ADAMTS14: variants seen among roughly 807,000 people sequenced by gnomAD.
The protein encoded by ADAMTS14 is ADAM metallopeptidase with thrombospondin type 1 motif 14.
A neutral mutation model predicts 128.6 loss-of-function variants in ADAMTS14; 100 were observed. That is an observed-to-expected ratio of 0.78 (90% CI 0.66 to 0.92). ADAMTS14 has a LOEUF of 0.92. ADAMTS14 is among the 40% of genes least tolerant of loss of function. ADAMTS14 has a pLI of 0.00. For missense variants in ADAMTS14, 1,562 were observed against 1,658.6 expected (o/e 0.94, Z 1.01); for synonymous variants, 665 against 653.8 (o/e 1.02, Z -0.26).
intron 2 of ADAMTS14, among the ~76,000 whole-genome samples, chr10:70,688,717 CGT>C (rs1418515831): frequency 3.3e-5 from 3 of 91,332 alleles, no homozygotes; most frequent in Admixed American, 3.1e-4. Flanking sequence ...ACCAGTCAGG[CGT>C]GGCGGCGCGT....
At chr10:70,714,296 C>CT (rs1367042064) in intron 4 of ADAMTS14, among the ~76,000 whole-genome samples, 1 of 152,222 alleles carries the variant, frequency 6.6e-6, no homozygotes, top group African/African-American at 2.4e-5. Flanking sequence ...TTATTTAAGT[C>CT]TCCCCATAAC....
chr10:70,680,931 G>A (rs939765105), intron 2 of ADAMTS14, among the ~76,000 whole-genome samples: 3 of 152,116 alleles, frequency 2.0e-5, no homozygotes, highest in East Asian at 1.9e-4. Context: ...TACAGGCACC[G>A]CACCCAGCCA....
At chr10:70,731,090 ACGTACAGACATC>A (rs1841623147) in intron 6 of ADAMTS14, among the ~76,000 whole-genome samples, 2 of 149,768 alleles carry the variant, frequency 1.3e-5, no homozygotes, top group African/African-American at 2.4e-5. Context: ...ACACACACAC[ACGTACAGACATC>A]CACACACATG....
intron 3 of ADAMTS14, among the ~76,000 whole-genome samples, 163 bp from the exon 4 acceptor site, chr10:70,708,425 T>C (rs1840730444): frequency 6.6e-6 from 1 of 152,222 alleles, no homozygotes; most frequent in Non-Finnish European, 1.5e-5. Flanking sequence ...AAATGGCTCT[T>C]GCCCATGAGT....
In ADAMTS14 at chr10:70,690,335, T is replaced by G. The variant is rs200718637; in HGVS notation, c.523-11977T>G. Among the ~76,000 whole-genome samples, 7 of 144,570 alleles carry G rather than the reference T, an allele frequency of 4.8e-5. No homozygotes were observed. The East Asian group carries it at 1.4e-3, about 28-fold the overall frequency. 94.8% of individuals were successfully genotyped at this position (144,570 alleles called of 152,430 possible). On this transcript the variant is annotated intron_variant, in intron 2 of 21. Transcript: ENST00000373207. Reference sequence around the variant, plus strand: ...GGGTTAAGGACAGGACCATGCCACCTGTCTGGGGTCTTCTGGCCAATTGTG... The same window carrying G: ...GGGTTAAGGACAGGACCATGCCACCGGTCTGGGGTCTTCTGGCCAATTGTG...
At chr10:70,758,999 C>A (rs1269624147) in intron 21 of ADAMTS14, among the ~76,000 whole-genome samples, 2 of 152,148 alleles carry the variant, frequency 1.3e-5, no homozygotes, top group Non-Finnish European at 2.9e-5. Context: ...GCAGAAAGAT[C>A]AAAGACCCTA....
chr10:70,673,264 GGT>G (rs144103256), intron 1 of ADAMTS14, among the ~76,000 whole-genome samples: 2 of 122,976 alleles, frequency 1.6e-5, no homozygotes, highest in Admixed American at 7.6e-5. Flanking sequence ...GGGTGCAAGG[GGT>G]GTGTGTGTGT....
chr10:70,713,532 T>A (rs1479422757), intron 4 of ADAMTS14, among the ~76,000 whole-genome samples: 2 of 152,228 alleles, frequency 1.3e-5, no homozygotes, highest in Admixed American at 1.3e-4. Flanking sequence ...GGCCTGTGCT[T>A]GTCAGTGGAA....
intron 4 of ADAMTS14, among the ~76,000 whole-genome samples, chr10:70,722,369 T>C (rs532344623): frequency 1.3e-5 from 2 of 152,246 alleles, no homozygotes; most frequent in South Asian, 2.1e-4. Flanking sequence ...CTTCAAGCAA[T>C]GTTGCCCACA....
At chr10:70,747,083 T>G (rs907583549) in intron 15 of ADAMTS14, among the ~76,000 whole-genome samples, 7 of 152,220 alleles carry the variant, frequency 4.6e-5, no homozygotes, top group African/African-American at 1.7e-4. Context: ...TTTTAGATTA[T>G]CATCAAAATA....
At chr10:70,677,139 C>A (rs908765898) in intron 2 of ADAMTS14, among the ~76,000 whole-genome samples, 1 of 152,202 alleles carries the variant, frequency 6.6e-6, no homozygotes, top group African/African-American at 2.4e-5. Flanking sequence ...CCACAGGGAC[C>A]AGGGAGGGCC....
intron 6 of ADAMTS14, among the ~76,000 whole-genome samples, chr10:70,731,721 T>C (rs1041137099): frequency 2.6e-5 from 4 of 152,216 alleles, no homozygotes; most frequent in African/African-American, 9.7e-5. Context: ...GCTCCCCCGC[T>C]GCACCCTGGC....
intron 2 of ADAMTS14, among the ~76,000 whole-genome samples, chr10:70,693,023 A>G (rs921447131): frequency 1.3e-5 from 2 of 152,222 alleles, no homozygotes; most frequent in Non-Finnish European, 2.9e-5. Flanking sequence ...TGAGAGCCTC[A>G]GGAAGTTTGC....
rs115831542 is a variant in ADAMTS14, at chr10:70,690,325, C to T, written c.523-11987C>T. ...TCCCTGGGCAGGGTTAAGGACAGGA[C>T]CATGCCACCTGTCTGGGGTCTTCTG... On this transcript the variant is annotated intron_variant, in intron 2 of 21. Transcript: ENST00000373207. Among the ~76,000 whole-genome samples, 182 of 144,492 alleles carry T rather than the reference C, an allele frequency of 1.3e-3. 11 individuals carry two copies. Among genetic ancestry groups the T allele is most frequent in the African/African-American group, 4.2e-3 (171 of 40,926 alleles). The allele number at this position is 144,492 out of a possible 152,430, so 94.8% of individuals were successfully genotyped here.
chr10:70,753,129 G>T (rs1708085290), intron 18 of ADAMTS14, among the ~76,000 whole-genome samples: 1 of 152,200 alleles, frequency 6.6e-6, no homozygotes, highest in African/African-American at 2.4e-5. Context: ...GCCTGGAAGT[G>T]ACTAAAAGAT....
chr10:70,753,774 C>T (rs1176870575), intron 18 of ADAMTS14, 26 bp from the exon 19 acceptor site: 1 of 1,532,072 alleles, frequency 6.5e-7, no homozygotes. Flanking sequence ...TTGGTCTCAC[C>T]TCCTCTCCTT....
At chr10:70,756,442 G>C (rs1010855757) in intron 19 of ADAMTS14, among the ~76,000 whole-genome samples, 3 of 152,244 alleles carry the variant, frequency 2.0e-5, no homozygotes, top group Admixed American at 6.5e-5. Context: ...ATGGCAGATA[G>C]TGGAAGATAC....
intron 21 of ADAMTS14, among the ~76,000 whole-genome samples, chr10:70,758,988 A>G (rs1407869182): frequency 6.6e-6 from 1 of 152,150 alleles, no homozygotes; most frequent in African/African-American, 2.4e-5. Context: ...CAAGATGAGT[A>G]GCAGAAAGAT....
At position 70,761,026 on chromosome 10, in the gene ADAMTS14, GAAGACA is replaced by G. The variant is rs1317055744; in HGVS notation, c.*178_*183del. 73 of 1,012,594 alleles carry G rather than the reference GAAGACA, an allele frequency of 7.2e-5. 1 individual carries two copies. Among genetic ancestry groups the G allele is most frequent in the Non-Finnish European group, 9.8e-5 (72 of 732,486 alleles). 62.7% of individuals were successfully genotyped at this position (1,012,594 alleles called of 1,614,324 possible). On this transcript the variant is annotated 3_prime_UTR_variant, in exon 22 of 22. Coordinates refer to ENST00000373207, the MANE Select transcript of ADAMTS14 (RefSeq NM_080722.4). Reference sequence around the variant, plus strand: ...TTTACCCCACAAAGCGGGGTGGGAGGAAGACAAAGATCAGGGAAAGCCCTAATCGGA... The same window carrying G: ...TTTACCCCACAAAGCGGGGTGGGAGGAAGATCAGGGAAAGCCCTAATCGGA...
Sources: gnomAD v4.1 joint callset for allele counts (sites outside exome capture counted in the v4.1 genomes callset) on GRCh38, gnomAD v4.1.1 for gene constraint, MANE v1.5 for transcripts, NCBI Gene and HGNC (gene_info 2026-07-23, HGNC 2026-07-21) for gene names.